COL19A1: variants seen among roughly 807,000 people sequenced by gnomAD.
COL19A1 encodes the protein collagen alpha-1(XIX) chain.
COL19A1 carries 159 observed loss-of-function variants against 190.2 expected under a neutral mutation model. The ratio of observed to expected loss-of-function variants is 0.84; its 90% CI spans 0.73 to 0.95. COL19A1 has a LOEUF of 0.95. Ranked by LOEUF, COL19A1 falls within the 40% of genes least tolerant of loss-of-function variation. The pLI is 0.00. For missense variants in COL19A1, 1,418 were observed against 1,431.9 expected (o/e 0.99, Z 0.16); for synonymous variants, 509 against 458.9 (o/e 1.11, Z -1.39).
In COL19A1 at chr6:70,211,222, CTGT is replaced by C. The variant is rs1052505097; in HGVS notation, c.*3950_*3952del. 6.6e-6 allele frequency among the ~76,000 whole-genome samples: 1 copy of C among 151,952 alleles called. No individual in the cohort carries two copies. The highest frequency in any genetic ancestry group is 6.6e-5 in the Admixed American group (1 of 15,262). ...ATTTACAAAAGTACAATTAGAAACA[CTGT>C]TTTTTTTAAGTACCGTTTTTATTTT... is the stretch of plus-strand genomic sequence containing the variant. On this transcript the variant is annotated 3_prime_UTR_variant, in exon 51 of 51. Transcript: ENST00000620364.
intron 41 of COL19A1, among the ~76,000 whole-genome samples, chr6:70,172,468 C>A (rs1360744159): frequency 6.6e-6 from 1 of 151,792 alleles, no homozygotes. Context: ...GAGATGAGGT[C>A]AGAGAGGTGG....
intron 42 of COL19A1, among the ~76,000 whole-genome samples, chr6:70,178,391 AT>A (rs1418275340): frequency 6.6e-6 from 1 of 152,216 alleles, no homozygotes; most frequent in African/African-American, 2.4e-5. Flanking sequence ...ATAAAATAAA[AT>A]AAAAGCACTG....
chr6:70,008,474 A>G (rs574774965), intron 11 of COL19A1, among the ~76,000 whole-genome samples: 51 of 152,084 alleles, frequency 3.4e-4, no homozygotes, highest in African/African-American at 1.2e-3. Context: ...GTCAAAAATT[A>G]CCAAAACTGA....
intron 16 of COL19A1, among the ~76,000 whole-genome samples, chr6:70,114,379 T>A (rs1038710450): frequency 6.6e-6 from 1 of 152,204 alleles, no homozygotes; most frequent in East Asian, 1.9e-4. Context: ...CAGACCTGAG[T>A]TGAAACCTAG....
intron 4 of COL19A1, among the ~76,000 whole-genome samples, chr6:69,918,617 G>A (rs1178827897): frequency 1.3e-5 from 2 of 152,018 alleles, no homozygotes; most frequent in African/African-American, 4.8e-5. Context: ...GAAGTGGGAG[G>A]ATCACTTGAG....
At chr6:70,092,540 T>G (rs776305241) in intron 15 of COL19A1, among the ~76,000 whole-genome samples, 2 of 152,168 alleles carry the variant, frequency 1.3e-5, no homozygotes, top group Non-Finnish European at 2.9e-5. Flanking sequence ...CACTTAAGTA[T>G]CAAAATGCAA....
At chr6:70,147,393 G>A (rs1282991627) in intron 27 of COL19A1, among the ~76,000 whole-genome samples, 1 of 151,994 alleles carries the variant, frequency 6.6e-6, no homozygotes, top group Non-Finnish European at 1.5e-5. Context: ...TAAACTATAA[G>A]GACAGAGCCT....
intron 2 of COL19A1, among the ~76,000 whole-genome samples, chr6:69,884,794 AG>A (rs1207361278): frequency 6.6e-6 from 1 of 151,590 alleles, no homozygotes; most frequent in Admixed American, 6.6e-5. Flanking sequence ...TTTTCTTTGT[AG>A]GTAATCTAGA....
chr6:69,910,991 T>C, intron 4 of COL19A1, among the ~76,000 whole-genome samples: 1 of 152,220 alleles, frequency 6.6e-6, no homozygotes, highest in East Asian at 1.9e-4. Context: ...AGAATTGACC[T>C]TTAATAGTGC....
At chr6:69,932,423 A>ATT (rs112334126) in intron 6 of COL19A1, among the ~76,000 whole-genome samples, 13 of 149,682 alleles carry the variant, frequency 8.7e-5, no homozygotes, top group East Asian at 5.8e-4. Context: ...CTTTTCTCCA[A>ATT]TTTTTTTTTT....
chr6:70,098,369 G>A (rs1783415076), intron 15 of COL19A1: 1 of 498,388 alleles, frequency 2.0e-6, no homozygotes, highest in Non-Finnish European at 4.0e-6. Flanking sequence ...CATTTATTGT[G>A]TGACTAATCA....
intron 15 of COL19A1, among the ~76,000 whole-genome samples, chr6:70,076,506 C>A (rs2150158626): frequency 6.6e-6 from 1 of 152,294 alleles, no homozygotes; most frequent in African/African-American, 2.4e-5. Context: ...GTGATGAGCA[C>A]ACATTCTGTC....
At chr6:70,122,071 C>A in intron 17 of COL19A1, 129 bp downstream of exon 17, 2 of 547,642 alleles carry the variant, frequency 3.7e-6, no homozygotes, top group East Asian at 3.3e-5. Flanking sequence ...AAACATCTTT[C>A]CATACTGAAA....
Position 70,156,657 on chromosome 6 carries a change from AT to A in COL19A1, c.2239-11del, listed in dbSNP as rs1562228518. On this transcript the variant is annotated splice_polypyrimidine_tract_variant and intron_variant, in intron 33 of 50. Transcript: ENST00000620364. ...ATGATTGCATGTGCTAGCTGAATGT[AT>A]TGTCTTTTTAGGGAAGCAAAGGAGA... The A allele has an allele frequency of 1.2e-6, 2 of 1,611,118 alleles. No individual in the cohort carries two copies. The highest frequency in any genetic ancestry group is 2.2e-5 in the South Asian group (2 of 90,858).
chr6:70,184,615 A>T, intron 44 of COL19A1, 88 bp from the exon 45 acceptor site: 3 of 1,018,054 alleles, frequency 2.9e-6, no homozygotes, highest in Non-Finnish European at 2.9e-6. Context: ...AAATATGATT[A>T]AGGAACTGTC....
chr6:69,930,769 A>G (rs971255898), intron 6 of COL19A1, among the ~76,000 whole-genome samples: 1 of 152,222 alleles, frequency 6.6e-6, no homozygotes, highest in African/African-American at 2.4e-5. Flanking sequence ...ACTGCACTCC[A>G]GCTTGAGCGA....
intron 27 of COL19A1, among the ~76,000 whole-genome samples, chr6:70,148,925 TAAA>T (rs5877241): frequency 3.5e-5 from 5 of 143,116 alleles, no homozygotes; most frequent in Non-Finnish European, 4.6e-5. Context: ...AGACTCCATC[TAAA>T]AAAAAAAAAA....
chr6:70,179,954 C>T (rs535610411), intron 42 of COL19A1, among the ~76,000 whole-genome samples: 1 of 152,278 alleles, frequency 6.6e-6, no homozygotes, highest in East Asian at 1.9e-4. Context: ...ATGATCTCAG[C>T]TCACTGCAAC....
chr6:69,967,485 A>C (rs1313957704), intron 11 of COL19A1, among the ~76,000 whole-genome samples: 3 of 152,208 alleles, frequency 2.0e-5, no homozygotes, highest in Non-Finnish European at 4.4e-5. Context: ...GCTTCTGGGC[A>C]TTATCTACTT....
Sources: allele counts gnomAD v4.1 joint callset (sites outside exome capture counted in the v4.1 genomes callset), GRCh38; gene constraint gnomAD v4.1.1; transcripts MANE v1.5; gene names NCBI Gene and HGNC (gene_info 2026-07-23, HGNC 2026-07-21).